Variants in SYN3 observed in about 807,000 individuals in gnomAD.
The protein encoded by SYN3 is synapsin III.
SYN3 carries 35 observed loss-of-function variants against 65.8 expected under a neutral mutation model. The observed-to-expected ratio is 0.53, with a 90% CI of 0.41 to 0.70. The LOEUF is 0.70. Among genes scored for constraint, SYN3 ranks in the 30% least tolerant of loss-of-function variants. SYN3 has a pLI of 0.00. For missense variants in SYN3, 680 were observed against 749.0 expected (o/e 0.91, Z 1.08); for synonymous variants, 270 against 292.9 (o/e 0.92, Z 0.80).
Position 33,048,080 on chromosome 22 carries a change from G to A in SYN3, c.-163+10212C>T, listed in dbSNP as rs144013654. Among the ~76,000 whole-genome samples the A allele has an allele frequency of 8.5e-3, 1,289 of 152,114 alleles. 20 individuals are homozygous for A. Among genetic ancestry groups the A allele is most frequent in the South Asian group, 0.056 (270 of 4,802 alleles). On this transcript the variant is annotated intron_variant, in intron 1 of 13. Coordinates refer to ENST00000358763, the MANE Select transcript of SYN3 (RefSeq NM_003490.4). ...ATGCCAACCTCAAGTAGAAAACACC[G>A]ACCAACACCTGGACACTAGTGGCCA...
intron 6 of SYN3, among the ~76,000 whole-genome samples, chr22:32,845,700 C>T (rs1287315708): frequency 6.6e-6 from 1 of 152,176 alleles, no homozygotes; most frequent in African/African-American, 2.4e-5. Context: ...ATAAAGACAA[C>T]CTGTGTCCAG....
chr22:32,917,300 G>A (rs1214413723), intron 4 of SYN3, among the ~76,000 whole-genome samples: 1 of 152,138 alleles, frequency 6.6e-6, no homozygotes, highest in Non-Finnish European at 1.5e-5. Flanking sequence ...TGTCAACCAG[G>A]TGGAAGGATC....
intron 6 of SYN3, among the ~76,000 whole-genome samples, chr22:32,757,298 T>G (rs1436472379): frequency 2.0e-4 from 28 of 138,686 alleles, no homozygotes; most frequent in African/African-American, 7.8e-4. Flanking sequence ...TCCTACCTTT[T>G]TTTTTTTTTT....
At chr22:32,867,677 G>A (rs2146338754) in intron 5 of SYN3, among the ~76,000 whole-genome samples, 1 of 152,254 alleles carries the variant, frequency 6.6e-6, no homozygotes, top group East Asian at 1.9e-4. Flanking sequence ...CCACCTCCTG[G>A]GTTCAAGCAA....
intron 6 of SYN3, among the ~76,000 whole-genome samples, chr22:32,805,208 C>T (rs1193368196): frequency 6.6e-6 from 1 of 152,114 alleles, no homozygotes; most frequent in Non-Finnish European, 1.5e-5. Flanking sequence ...TGCCTCTGAG[C>T]CTGTTGGGAA....
chr22:32,800,138 T>C (rs1236979221), intron 6 of SYN3, among the ~76,000 whole-genome samples: 1 of 152,218 alleles, frequency 6.6e-6, no homozygotes, highest in Non-Finnish European at 1.5e-5. Flanking sequence ...GCCTCTGCTG[T>C]CCCAATGTCA....
chr22:32,552,240 C>A (rs981841578), intron 7 of SYN3, among the ~76,000 whole-genome samples: 10 of 151,878 alleles, frequency 6.6e-5, no homozygotes. Context: ...AGTGAGACTC[C>A]ATCTCAAAAA....
chr22:32,762,474 T>C (rs1047387855), intron 6 of SYN3, among the ~76,000 whole-genome samples: 1 of 152,224 alleles, frequency 6.6e-6, no homozygotes, highest in African/African-American at 2.4e-5. Flanking sequence ...CACATCTGAA[T>C]TGGAAAAGGA....
intron 7 of SYN3, among the ~76,000 whole-genome samples, chr22:32,592,944 T>C (rs980291641): frequency 2.0e-5 from 3 of 152,186 alleles, no homozygotes; most frequent in African/African-American, 7.2e-5. Flanking sequence ...AGCAATTGCA[T>C]CCATGGGGGC....
At chr22:32,756,344 G>T (rs564793553) in intron 6 of SYN3, among the ~76,000 whole-genome samples, 1 of 152,260 alleles carries the variant, frequency 6.6e-6, no homozygotes, top group South Asian at 2.1e-4. Context: ...AATGGGTGCA[G>T]CACACCAACA....
intron 4 of SYN3, among the ~76,000 whole-genome samples, chr22:32,903,647 G>T (rs1419417157): frequency 1.3e-5 from 2 of 152,208 alleles, no homozygotes; most frequent in East Asian, 3.8e-4. Flanking sequence ...CGGCCTCCAG[G>T]CTGTAAAGAA....
At chr22:32,671,472 C>T (rs1295449098) in intron 6 of SYN3, among the ~76,000 whole-genome samples, 31 of 152,122 alleles carry the variant, frequency 2.0e-4, no homozygotes, top group African/African-American at 6.8e-4. Flanking sequence ...GACACACCCA[C>T]ACTTACACAC....
In SYN3 at chr22:32,509,633, A is replaced by G. The variant is rs1232435829; in HGVS notation, c.*4059T>C. On this transcript the variant is annotated 3_prime_UTR_variant, in exon 14 of 14. Transcript: ENST00000358763. ...GCCCAGGCTGGAGTGCAGTGGTGCG[A>G]TCTCGGCTCACTGCAAGCTCCGCCT... Among the ~76,000 whole-genome samples, 1 of 151,980 alleles carries G rather than the reference A, an allele frequency of 6.6e-6. No individual in the cohort carries two copies. Among genetic ancestry groups the G allele is most frequent in the African/African-American group, 2.4e-5 (1 of 41,382 alleles).
intron 3 of SYN3, among the ~76,000 whole-genome samples, chr22:32,932,920 T>C (rs2050673030): frequency 6.6e-6 from 1 of 152,188 alleles, no homozygotes; most frequent in Non-Finnish European, 1.5e-5. Flanking sequence ...CTTTGGCTTG[T>C]AGATGGCCAT....
At chr22:32,790,406 C>CTTTATTTATTTATTTA (rs130557) in intron 6 of SYN3, among the ~76,000 whole-genome samples, 1,766 of 145,778 alleles carry the variant, frequency 0.012, 17 homozygotes, top group East Asian at 0.021. Context: ...TTAAATTAAA[C>CTTTATTTATTTATTTA]TTTATTTATT....
At chr22:32,999,944 G>C (rs1252175182) in intron 2 of SYN3, among the ~76,000 whole-genome samples, 1 of 152,192 alleles carries the variant, frequency 6.6e-6, no homozygotes, top group African/African-American at 2.4e-5. Context: ...ACTCAAGATG[G>C]GAGGTTTCAG....
intron 7 of SYN3, among the ~76,000 whole-genome samples, chr22:32,555,636 A>G (rs2058483767): frequency 6.6e-6 from 1 of 152,202 alleles, no homozygotes; most frequent in Non-Finnish European, 1.5e-5. Flanking sequence ...AATAATCACC[A>G]TAGGTTCAGA....
At chr22:32,843,801 C>A (rs1022421951) in intron 6 of SYN3, among the ~76,000 whole-genome samples, 54 of 152,290 alleles carry the variant, frequency 3.5e-4, no homozygotes, top group Admixed American at 1.2e-3. Context: ...GTGACTTCTG[C>A]ATTTGAAGAA....
chr22:32,793,440 T>C (rs1395947589), intron 6 of SYN3, among the ~76,000 whole-genome samples: 1 of 152,232 alleles, frequency 6.6e-6, no homozygotes. Context: ...CCTGGTTGGA[T>C]AGGTAGCTCT....
Sources: allele counts gnomAD v4.1 joint callset (sites outside exome capture counted in the v4.1 genomes callset), GRCh38; gene constraint gnomAD v4.1.1; transcripts MANE v1.5; gene names NCBI Gene and HGNC (gene_info 2026-07-23, HGNC 2026-07-21).